The following TRAPPC9 variants were observed in gnomAD, a reference collection of about 807,000 sequenced individuals.
TRAPPC9 encodes trafficking protein particle complex subunit 9, also known as IKK2 binding protein.
Under a neutral mutation model 124.0 loss-of-function variants are expected in TRAPPC9, and 83 were observed. The ratio of observed to expected loss-of-function variants is 0.67; its 90% CI spans 0.56 to 0.80. The LOEUF is 0.80. Ranked by LOEUF, TRAPPC9 falls within the 30% of genes least tolerant of loss-of-function variation. The pLI, the probability that TRAPPC9 is intolerant of heterozygous loss-of-function variation, is 0.00. For missense variants in TRAPPC9, 1,302 were observed against 1,508.3 expected (o/e 0.86, Z 2.27); for synonymous variants, 638 against 617.5 (o/e 1.03, Z -0.49).
At chr8:139,832,051 T>C (rs1170086481) in intron 21 of TRAPPC9, among the ~76,000 whole-genome samples, 2 of 152,202 alleles carry the variant, frequency 1.3e-5, no homozygotes, top group African/African-American at 4.8e-5. Context: ...AGCGAGCACC[T>C]ACCTTTCATG....
In TRAPPC9 at chr8:139,883,050, G is replaced by A. The variant is rs181057692; in HGVS notation, c.3055+2829C>T. Among the ~76,000 whole-genome samples, 553 of 152,344 alleles carry A rather than the reference G, an allele frequency of 3.6e-3. 2 individuals carry two copies. The highest frequency in any genetic ancestry group is 0.015 in the South Asian group (71 of 4,828). On this transcript the variant is annotated intron_variant, in intron 21 of 22. Transcript: ENST00000438773. ...TTGGGAGCTGGAGCCTTTAATTGGT[G>A]ATTGGGTCGTGAGGGCTCTGCCCTC...
intron 22 of TRAPPC9, 58 bp downstream of exon 22, chr8:139,731,921 G>C: frequency 6.7e-7 from 1 of 1,488,168 alleles, no homozygotes; most frequent in Non-Finnish European, 9.2e-7. Flanking sequence ...CCCAGGGAAG[G>C]GGGGATGATG....
rs147425750 is a variant in TRAPPC9, at chr8:140,093,788, A to C, written c.2557-69709T>G. Among the ~76,000 whole-genome samples, 58 of 152,280 alleles carry C rather than the reference A, an allele frequency of 3.8e-4. No individual in the cohort carries two copies. In the East Asian group the frequency reaches 0.01, roughly 27 times the overall value. On this transcript the variant is annotated intron_variant, in intron 17 of 22. Transcript: ENST00000438773. ...TGAAAGCTGAGCCCTCCAGAGACAA[A>C]GGTGCCTGCTTGAGGTCACCTGACA...
chr8:140,453,764 C>T (rs536792203), intron 1 of TRAPPC9, among the ~76,000 whole-genome samples: 1 of 152,278 alleles, frequency 6.6e-6, no homozygotes, highest in African/African-American at 2.4e-5. Context: ...CCTAAAGAGT[C>T]TTTTCTGCAC....
intron 21 of TRAPPC9, among the ~76,000 whole-genome samples, chr8:139,856,105 A>G (rs1222479644): frequency 6.6e-6 from 1 of 152,206 alleles, no homozygotes; most frequent in Non-Finnish European, 1.5e-5. Flanking sequence ...CAACGCACAC[A>G]GCCAGGGACA....
At chr8:140,294,874 A>G (rs2065762643) in intron 11 of TRAPPC9, among the ~76,000 whole-genome samples, 1 of 152,164 alleles carries the variant, frequency 6.6e-6, no homozygotes, top group African/African-American at 2.4e-5. Context: ...GGCCTCCCAG[A>G]GTACTAGAAT....
rs1844275338 is a variant in TRAPPC9 at position 140,087,532 on chromosome 8, G to T, written c.2557-63453C>A. Among the ~76,000 whole-genome samples the T allele has an allele frequency of 6.6e-6, 1 of 152,124 alleles. No homozygotes were observed. The highest frequency in any genetic ancestry group is 6.5e-5 in the Admixed American group (1 of 15,272). On this transcript the variant is annotated intron_variant, in intron 17 of 22. Coordinates refer to ENST00000438773, the MANE Select transcript of TRAPPC9 (RefSeq NM_001160372.4). The surrounding 1 kb of genome is among the most constrained non-coding windows in gnomAD (Gnocchi z 4.6). ...TTCCCCACATTCTAATCCCCACCGAGCTTCCTCCATCTCAGTAAATAAAAC... is the reference window on the plus strand; with the variant it reads ...TTCCCCACATTCTAATCCCCACCGATCTTCCTCCATCTCAGTAAATAAAAC...
intron 17 of TRAPPC9, among the ~76,000 whole-genome samples, chr8:140,132,985 T>G (rs2061233820): frequency 6.6e-6 from 1 of 152,090 alleles, no homozygotes; most frequent in South Asian, 2.1e-4. Context: ...GACCCAACAT[T>G]TAAAGAATTA....
intron 9 of TRAPPC9, among the ~76,000 whole-genome samples, chr8:140,335,114 G>A (rs1037892670): frequency 2.6e-5 from 4 of 152,112 alleles, no homozygotes; most frequent in African/African-American, 9.7e-5. Flanking sequence ...ATGTCCTTGA[G>A]AAAGAGTTGA....
intron 8 of TRAPPC9, among the ~76,000 whole-genome samples, chr8:140,361,710 GATT>G (rs964233742): frequency 6.6e-6 from 1 of 151,996 alleles, no homozygotes; most frequent in African/African-American, 2.4e-5. Flanking sequence ...TCCCTATTGA[GATT>G]ATTTATTAAG....
intron 21 of TRAPPC9, among the ~76,000 whole-genome samples, chr8:139,880,283 A>G (rs1226339931): frequency 6.6e-6 from 1 of 152,148 alleles, no homozygotes; most frequent in Non-Finnish European, 1.5e-5. Flanking sequence ...CAAAGATGCC[A>G]AGGGCCTCTT....
chr8:140,077,562 T>C (rs1037004690), intron 17 of TRAPPC9, among the ~76,000 whole-genome samples: 27 of 152,062 alleles, frequency 1.8e-4, no homozygotes, highest in Non-Finnish European at 3.7e-4. Context: ...TCCGCTATCT[T>C]CTGCTTGCAT....
chr8:140,325,774 T>C (rs914391904), intron 9 of TRAPPC9, among the ~76,000 whole-genome samples: 2 of 152,162 alleles, frequency 1.3e-5, no homozygotes, highest in Non-Finnish European at 2.9e-5. Flanking sequence ...AGCACAACCC[T>C]GACACCAAAA....
At chr8:140,296,670 C>T (rs919636732) in intron 11 of TRAPPC9, among the ~76,000 whole-genome samples, 4 of 152,258 alleles carry the variant, frequency 2.6e-5, no homozygotes, top group Admixed American at 2.0e-4. Flanking sequence ...TCACGCTCTG[C>T]TGTTGCTGTC....
chr8:139,867,349 A>G (rs540912216), intron 21 of TRAPPC9, among the ~76,000 whole-genome samples: 7 of 152,384 alleles, frequency 4.6e-5, no homozygotes, highest in African/African-American at 1.7e-4. Context: ...ATAACTAATA[A>G]TAGCAATGAA....
At chr8:139,851,214 C>T (rs1045956645) in intron 21 of TRAPPC9, among the ~76,000 whole-genome samples, 12 of 152,132 alleles carry the variant, frequency 7.9e-5, no homozygotes, top group African/African-American at 9.7e-5. Flanking sequence ...CAATGGGAGC[C>T]GAGGAGAGCA....
chr8:139,856,644 T>A (rs911171399), intron 21 of TRAPPC9, among the ~76,000 whole-genome samples: 47 of 151,726 alleles, frequency 3.1e-4, no homozygotes, highest in African/African-American at 1.1e-3. Context: ...AGCAACGGCA[T>A]TAGCTGCACT....
In TRAPPC9 at chr8:140,353,556, C is replaced by T. The variant is rs937024295; in HGVS notation, c.1495+6494G>A. Among the ~76,000 whole-genome samples the T allele has an allele frequency of 3.3e-5, 5 of 152,076 alleles. No individual in the cohort carries two copies. The highest frequency in any genetic ancestry group is 1.2e-4 in the African/African-American group (5 of 41,390). On this transcript the variant is annotated intron_variant, in intron 9 of 22. Coordinates refer to ENST00000438773, the MANE Select transcript of TRAPPC9 (RefSeq NM_001160372.4). This position sits in a 1 kb window ranked among gnomAD's most constrained non-coding sequence, Gnocchi z 4.2. ...TTTTTAAGCTACGTGATGTGAAAGC[C>T]GCGAGTCTTTTTTATTTTCCACAGG...
chr8:139,932,286 A>G lies in TRAPPC9; in HGVS notation c.2811-21986T>C, dbSNP rs550850669. The G allele has an allele frequency of 1.4e-3, 659 of 457,518 alleles. 3 individuals carry two copies. Among genetic ancestry groups the G allele is most frequent in the African/African-American group, 0.011 (567 of 50,200 alleles). The allele number at this position is 457,518 out of a possible 1,614,324, so 28.3% of individuals were successfully genotyped here. On this transcript the variant is annotated intron_variant, in intron 19 of 22. Transcript: ENST00000438773. Reference sequence around the variant, plus strand: ...CGGGGCCTCGCTCAGGGTAGCCACCATGGGAGAATGTCCCCACCTCGTGGA... The same window carrying G: ...CGGGGCCTCGCTCAGGGTAGCCACCGTGGGAGAATGTCCCCACCTCGTGGA...
Sources: allele counts gnomAD v4.1 joint callset (sites outside exome capture counted in the v4.1 genomes callset), GRCh38; gene constraint gnomAD v4.1.1; non-coding constraint Gnocchi (gnomAD v3.1); transcripts MANE v1.5; gene names NCBI Gene and HGNC (gene_info 2026-07-23, HGNC 2026-07-21).